TBCD: variants seen among roughly 807,000 people sequenced by gnomAD.
TBCD encodes the protein tubulin-specific chaperone D.
In TBCD, 105 loss-of-function variants were observed where a neutral mutation model predicts 169.3. The observed-to-expected ratio is 0.62, with a 90% CI of 0.53 to 0.73. The LOEUF (loss-of-function observed/expected upper bound fraction) is 0.73, where lower values mean the gene tolerates loss of function less well. Among genes scored for constraint, TBCD ranks in the 30% least tolerant of loss-of-function variants. The pLI is 0.00. For missense variants in TBCD, 1,444 were observed against 1,600.1 expected, an observed-to-expected ratio of 0.90 and a Z score of 1.66; for synonymous variants, 700 against 643.9, an observed-to-expected ratio of 1.09 and a Z score of -1.32.
intron 1 of TBCD, 46 bp from the exon 2 acceptor site, chr17:82,756,119 T>C: frequency 6.6e-7 from 1 of 1,525,366 alleles, no homozygotes; most frequent in Non-Finnish European, 8.9e-7. Flanking sequence ...CTCATGGGTA[T>C]GTTTGGCCTA....
intron 13 of TBCD, among the ~76,000 whole-genome samples, chr17:82,837,873 G>A (rs1259663914): frequency 6.6e-6 from 1 of 152,238 alleles, no homozygotes; most frequent in Non-Finnish European, 1.5e-5. Flanking sequence ...TTCAGATCAA[G>A]CAGCCAATGT....
intron 13 of TBCD, among the ~76,000 whole-genome samples, chr17:82,847,356 G>GAAAAAAAAAAAAAAA (rs1041994030): frequency 2.4e-5 from 2 of 81,750 alleles, no homozygotes; most frequent in African/African-American, 4.6e-5. Context: ...CCATGTCAAA[G>GAAAAAAAAAAAAAAA]AAAAAAAAAA....
intron 23 of TBCD, among the ~76,000 whole-genome samples, chr17:82,917,396 A>C (rs1251872453): frequency 6.6e-6 from 1 of 151,988 alleles, no homozygotes; most frequent in Non-Finnish European, 1.5e-5. Flanking sequence ...TTCAGAACTT[A>C]TTTTTTATAG....
intron 6 of TBCD, among the ~76,000 whole-genome samples, chr17:82,772,889 G>T (rs2048376626): frequency 6.6e-6 from 1 of 152,152 alleles, no homozygotes; most frequent in Non-Finnish European, 1.5e-5. Context: ...CTGTGACTGG[G>T]GATGAAAATC....
At chr17:82,898,815 A>G (rs1426988103) in intron 17 of TBCD, among the ~76,000 whole-genome samples, 2 of 152,232 alleles carry the variant, frequency 1.3e-5, no homozygotes, top group African/African-American at 4.8e-5. Context: ...TTTTCACAAG[A>G]TGTAACTTTT....
Position 82,924,983 on chromosome 17 carries a change from G to T in TBCD, c.2305G>T (p.Glu769Ter). ...QYLAELRNPE[E>*]MTRCGFSLAL... ...CCTGGCTGAGCTTCGGAACCCCGAG[G>T]AGATGACTCGCTGTGGCTTCTCGTT... Residue 769 changes from glutamate (E) to a stop codon, truncating the protein, a stop_gained, in exon 27 of 39, where the codon GAG (glutamate) becomes TAG (stop). Transcript: ENST00000355528. LOFTEE classifies it high-confidence loss of function. The T allele has an allele frequency of 6.3e-7, 1 of 1,575,756 alleles. No homozygotes were observed. The highest frequency in any genetic ancestry group is 8.6e-7 in the Non-Finnish European group (1 of 1,159,448).
At chr17:82,865,923 A>G (rs910746064) in intron 13 of TBCD, among the ~76,000 whole-genome samples, 2 of 152,148 alleles carry the variant, frequency 1.3e-5, no homozygotes, top group Non-Finnish European at 2.9e-5. Flanking sequence ...GGGTTTTTCA[A>G]TTACATGGCT....
chr17:82,895,378 G>A (rs2059405929), intron 17 of TBCD, among the ~76,000 whole-genome samples: 1 of 152,214 alleles, frequency 6.6e-6, no homozygotes. Flanking sequence ...CAGTGGTCCT[G>A]TTCAGCAGAG....
At chr17:82,921,612 T>C in intron 25 of TBCD, 35 bp downstream of exon 25, 1 of 1,602,212 alleles carries the variant, frequency 6.2e-7, no homozygotes, top group Non-Finnish European at 8.6e-7. Context: ...GCCGGCGCTG[T>C]GGCGGTGTTA....
In TBCD at chr17:82,789,731, C is replaced by T. The variant is rs573460695; in HGVS notation, c.771+8010C>T. On this transcript the variant is annotated intron_variant, in intron 7 of 38. Transcript: ENST00000355528. The surrounding 1 kb of genome is among the most constrained non-coding windows in gnomAD (Gnocchi z 4.8). ...GGCTGTTGATATCTCAGCTCTGATT[C>T]ACCCTTGACCTTTATTACCTGATTT... 3.5e-4 allele frequency among the ~76,000 whole-genome samples: 53 copies of T among 152,372 alleles called. No individual in the cohort carries two copies. Among genetic ancestry groups the T allele is most frequent in the Non-Finnish European group, 6.5e-4 (44 of 68,030 alleles).
intron 2 of TBCD, among the ~76,000 whole-genome samples, chr17:82,760,781 A>G (rs577893722): frequency 6.6e-6 from 1 of 152,276 alleles, no homozygotes; most frequent in South Asian, 2.1e-4. Flanking sequence ...TCCCATCAAC[A>G]ATTCCTTCCC....
chr17:82,933,469 G>C (rs924811173), intron 34 of TBCD, among the ~76,000 whole-genome samples: 1 of 151,986 alleles, frequency 6.6e-6, no homozygotes, highest in Non-Finnish European at 1.5e-5. Context: ...TCCCAGGCTG[G>C]TCTTGAACTC....
rs966270943 is a variant in TBCD, at chr17:82,833,002, G to A, written c.1318+18068G>A. Among the ~76,000 whole-genome samples, 2 of 152,100 alleles carry A rather than the reference G, an allele frequency of 1.3e-5. No homozygotes were observed. Among genetic ancestry groups the A allele is most frequent in the African/African-American group, 4.8e-5 (2 of 41,410 alleles). On this transcript the variant is annotated intron_variant, in intron 13 of 38. Coordinates refer to ENST00000355528, the MANE Select transcript of TBCD (RefSeq NM_005993.5). This position sits in a 1 kb window ranked among gnomAD's most constrained non-coding sequence, Gnocchi z 4.7. Reference sequence around the variant, plus strand: ...CCTTTCCTCGAAAGCGCCCTGCCGGGGGCTGAGGACACCGAGCCCCCTCCC... The same window carrying A: ...CCTTTCCTCGAAAGCGCCCTGCCGGAGGCTGAGGACACCGAGCCCCCTCCC...
In TBCD at chr17:82,764,044, T is replaced by A; in HGVS notation, c.315T>A (p.Phe105Leu). 6.2e-7 allele frequency: 1 copy of A among 1,613,666 alleles called. No individual in the cohort carries two copies. Among genetic ancestry groups the A allele is most frequent in the Non-Finnish European group, 8.5e-7 (1 of 1,179,674 alleles). Reference protein sequence around the residue: ...PASLVHLAFKFLYIITKVRGY... With the variant: ...PASLVHLAFKLLYIITKVRGY... The stretch of plus-strand genomic sequence containing the variant: ...CCCTTGTACATCTGGCTTTTAAATT[T>A]CTTTACATCATCACCAAGGTAACAT... Residue 105 changes from phenylalanine to leucine, a missense_variant, in exon 3 of 39, where the codon TTT becomes TTA. Transcript: ENST00000355528.
chr17:82,815,961 G>GT (rs1409900403), intron 13 of TBCD, among the ~76,000 whole-genome samples: 2 of 152,058 alleles, frequency 1.3e-5, no homozygotes, highest in African/African-American at 2.4e-5. Context: ...CGGTTAAGTG[G>GT]TTTTTATATA....
intron 13 of TBCD, among the ~76,000 whole-genome samples, chr17:82,827,726 C>CA (rs1413165666): frequency 6.6e-6 from 1 of 152,080 alleles, no homozygotes; most frequent in African/African-American, 2.4e-5. Flanking sequence ...TGCATACACC[C>CA]ACAGATACAC....
intron 13 of TBCD, among the ~76,000 whole-genome samples, chr17:82,867,817 C>T (rs2057284900): frequency 6.6e-6 from 1 of 152,188 alleles, no homozygotes; most frequent in East Asian, 1.9e-4. Context: ...GCAAATCATC[C>T]AGCAGTTTCT....
At chr17:82,891,670 T>C (rs1485882512) in intron 16 of TBCD, among the ~76,000 whole-genome samples, 1 of 151,870 alleles carries the variant, frequency 6.6e-6, no homozygotes, top group Non-Finnish European at 1.5e-5. Context: ...ATACACAGAT[T>C]TGGAATGAAG....
intron 17 of TBCD, among the ~76,000 whole-genome samples, chr17:82,899,555 C>T (rs2059751845): frequency 6.6e-6 from 1 of 152,214 alleles, no homozygotes; most frequent in Non-Finnish European, 1.5e-5. Flanking sequence ...GTTTGCCTGA[C>T]ATTTAGGTTA....
Sources: gnomAD v4.1 joint callset for allele counts (sites outside exome capture counted in the v4.1 genomes callset) on GRCh38, gnomAD v4.1.1 for gene constraint, Gnocchi (gnomAD v3.1) non-coding constraint, MANE v1.5 for transcripts, NCBI Gene and HGNC (gene_info 2026-07-23, HGNC 2026-07-21) for gene names.